Variants in USP32 observed in about 807,000 individuals in gnomAD.
USP32 encodes ubiquitin specific peptidase 32, also known as ubiquitin carboxyl-terminal hydrolase 32.
In USP32, 59 loss-of-function variants were observed where a neutral mutation model predicts 204.8. The ratio of observed to expected loss-of-function variants is 0.29; its 90% CI spans 0.23 to 0.36. The LOEUF (loss-of-function observed/expected upper bound fraction) is 0.36, where lower values mean the gene tolerates loss of function less well. USP32 is among the 10% of genes least tolerant of loss of function. The pLI is 1.00. For missense variants in USP32, 1,160 were observed against 1,946.4 expected, an observed-to-expected ratio of 0.60 and a Z score of 7.60; for synonymous variants, 517 against 678.4, an observed-to-expected ratio of 0.76 and a Z score of 3.70.
chr17:60,342,259 A>T (rs760194721), intron 2 of USP32, among the ~76,000 whole-genome samples: 3 of 152,190 alleles, frequency 2.0e-5, no homozygotes, highest in Non-Finnish European at 4.4e-5. Flanking sequence ...CAAATATTGC[A>T]GAACAGCAAA....
At chr17:60,311,366 G>T (rs1287433067) in intron 2 of USP32, among the ~76,000 whole-genome samples, 2 of 152,182 alleles carry the variant, frequency 1.3e-5, no homozygotes, top group African/African-American at 4.8e-5. Context: ...TAAAATTGAT[G>T]TATGTGGTAA....
intron 9 of USP32, among the ~76,000 whole-genome samples, chr17:60,257,501 T>C (rs964776931): frequency 6.6e-6 from 1 of 152,136 alleles, no homozygotes; most frequent in Non-Finnish European, 1.5e-5. Flanking sequence ...TTTTGTTTTC[T>C]AAAAAAGACA....
At chr17:60,194,423 T>C (rs1412465315) in intron 27 of USP32, among the ~76,000 whole-genome samples, 1 of 152,226 alleles carries the variant, frequency 6.6e-6, no homozygotes. Context: ...CACTTGTGCA[T>C]GATTTCTTCT....
intron 1 of USP32, among the ~76,000 whole-genome samples, chr17:60,414,633 T>C (rs955596108): frequency 6.6e-6 from 1 of 151,642 alleles, no homozygotes; most frequent in Non-Finnish European, 1.5e-5. Flanking sequence ...TTTGCCATGT[T>C]GGTCAGGTTG....
chr17:60,383,498 G>T (rs1418610858), intron 1 of USP32, among the ~76,000 whole-genome samples: 3 of 152,166 alleles, frequency 2.0e-5, no homozygotes, highest in Non-Finnish European at 2.9e-5. Context: ...CAACAGACCT[G>T]ACAATAAACG....
intron 14 of USP32, among the ~76,000 whole-genome samples, chr17:60,222,967 C>A (rs1047735806): frequency 6.6e-6 from 1 of 152,036 alleles, no homozygotes. Context: ...CAGGCATGAG[C>A]CACCACGTCC....
intron 1 of USP32, among the ~76,000 whole-genome samples, chr17:60,367,744 G>A (rs557862919): frequency 2.6e-5 from 4 of 152,320 alleles, no homozygotes; most frequent in Non-Finnish European, 5.9e-5. Context: ...GGAGGCAGAG[G>A]TTGCAGTGAA....
At position 60,177,512 on chromosome 17, in the gene USP32, CAG is replaced by C. The variant is rs1480447822; in HGVS notation, c.*1741_*1742del. 6.6e-6 allele frequency among the ~76,000 whole-genome samples: 1 copy of C among 152,138 alleles called. No individual in the cohort carries two copies. The highest frequency in any genetic ancestry group is 6.6e-5 in the Admixed American group (1 of 15,258). ...TTAATTACAACCAGTATAACAAACACAGATCAAACAACATTAGTAGATTGAGC... is the reference window on the plus strand; with the variant it reads ...TTAATTACAACCAGTATAACAAACACATCAAACAACATTAGTAGATTGAGC... On this transcript the variant is annotated 3_prime_UTR_variant, in exon 34 of 34. Coordinates refer to ENST00000300896, the MANE Select transcript of USP32 (RefSeq NM_032582.4).
chr17:60,407,103 A>G (rs1241428739), intron 1 of USP32, among the ~76,000 whole-genome samples: 1 of 152,178 alleles, frequency 6.6e-6, no homozygotes, highest in Non-Finnish European at 1.5e-5. Context: ...CTTTTTGCCT[A>G]GGGGTGCAAT....
At chr17:60,267,863 T>G (rs569964144) in intron 7 of USP32, among the ~76,000 whole-genome samples, 1 of 148,050 alleles carries the variant, frequency 6.8e-6, no homozygotes, top group African/African-American at 2.5e-5. Flanking sequence ...CAGGCTGGAG[T>G]GCAATGGCGC....
chr17:60,302,141 A>ATTTATTTG (rs1555611284), intron 2 of USP32, among the ~76,000 whole-genome samples: 21 of 145,134 alleles, frequency 1.4e-4, no homozygotes, highest in African/African-American at 5.0e-4. Flanking sequence ...TTATTTATTT[A>ATTTATTTG]TTTATTTATT....
intron 5 of USP32, 43 bp downstream of exon 5, chr17:60,288,480 A>AT (rs1468367255): frequency 3.9e-6 from 6 of 1,554,144 alleles, no homozygotes; most frequent in Non-Finnish European, 5.2e-6. Context: ...AATTATATAT[A>AT]TAAAAAAAGG....
intron 1 of USP32, among the ~76,000 whole-genome samples, chr17:60,383,391 A>G (rs2089679414): frequency 6.6e-6 from 1 of 152,152 alleles, no homozygotes; most frequent in South Asian, 2.1e-4. Flanking sequence ...ACTTCTCTCC[A>G]TTATTTATAC....
intron 3 of USP32, among the ~76,000 whole-genome samples, chr17:60,295,278 A>G (rs78550825): frequency 0.021 from 3,264 of 152,302 alleles, 138 homozygotes; most frequent in African/African-American, 0.074. Flanking sequence ...ACAAGAGAAC[A>G]GGTAAAATGA....
At chr17:60,245,457 A>G in intron 11 of USP32, 1 of 351,276 alleles carries the variant, frequency 2.8e-6, no homozygotes, top group Non-Finnish European at 5.5e-6. Context: ...GGACCAGGAA[A>G]TTCTGGAAGC....
chr17:60,414,096 C>G lies in USP32; in HGVS notation c.106+8150G>C, dbSNP rs111480037. Among the ~76,000 whole-genome samples the G allele has an allele frequency of 4.1e-3, 626 of 152,122 alleles. 1 individual carries two copies. The highest frequency in any genetic ancestry group is 6.7e-3 in the Non-Finnish European group (456 of 68,002). ...AGATGTTATCGGCTGGGCGTGGTGG[C>G]TCACGCCTATAATCCCAGCGCTTTG... On this transcript the variant is annotated intron_variant, in intron 1 of 3. Coordinates refer to the USP32 transcript ENST00000588898.
intron 14 of USP32, 43 bp downstream of exon 14, chr17:60,223,368 C>G: frequency 6.5e-7 from 1 of 1,545,744 alleles, no homozygotes; most frequent in Non-Finnish European, 8.8e-7. Flanking sequence ...TTATTAATAG[C>G]TTGCAAGAGA....
At chr17:60,366,136 C>G (rs2089307925) in intron 1 of USP32, among the ~76,000 whole-genome samples, 1 of 151,692 alleles carries the variant, frequency 6.6e-6, no homozygotes. Context: ...TGACACCACG[C>G]CGGGCTAAGT....
intron 4 of USP32, among the ~76,000 whole-genome samples, chr17:60,293,384 G>C (rs1455897496): frequency 6.6e-6 from 1 of 152,152 alleles, no homozygotes; most frequent in Non-Finnish European, 1.5e-5. Context: ...AAGTTTGCTA[G>C]ATTATCTTTT....
Sources: allele counts gnomAD v4.1 joint callset (sites outside exome capture counted in the v4.1 genomes callset), GRCh38; gene constraint gnomAD v4.1.1; transcripts MANE v1.5; gene names NCBI Gene and HGNC (gene_info 2026-07-23, HGNC 2026-07-21).